Variants in SLC24A4 observed in about 807,000 individuals in gnomAD.
SLC24A4 encodes solute carrier family 24 member 4, also known as sodium/potassium/calcium exchanger 4.
Under a neutral mutation model 79.0 loss-of-function variants are expected in SLC24A4, and 53 were observed. The observed-to-expected ratio is 0.67, with a 90% CI of 0.54 to 0.84. SLC24A4 has a LOEUF of 0.84. Among genes scored for constraint, SLC24A4 ranks in the 40% least tolerant of loss-of-function variants. The pLI is 0.00. For missense variants in SLC24A4, 731 were observed against 822.0 expected (o/e 0.89, Z 1.35); for synonymous variants, 323 against 323.8 (o/e 1.00, Z 0.03).
rs149125782 is a variant in SLC24A4 at position 92,410,825 on chromosome 14, G to A, written c.242-23087G>A. On this transcript the variant is annotated intron_variant, in intron 2 of 16. Transcript: ENST00000532405. ...CTCTGCGGTCTCTGGATGAAGGTGT[G>A]GAGTGCCTCTCATCTGGATGTGGTG... Among the ~76,000 whole-genome samples the A allele has an allele frequency of 3.3e-5, 5 of 152,292 alleles. No individual in the cohort carries two copies. In the East Asian group the frequency reaches 9.7e-4, roughly 29 times the overall value.
intron 2 of SLC24A4, among the ~76,000 whole-genome samples, chr14:92,374,683 C>T (rs972243316): frequency 3.9e-5 from 6 of 152,158 alleles, no homozygotes; most frequent in Non-Finnish European, 8.8e-5. Flanking sequence ...CATTGGAGAT[C>T]GGAGTCTGAA....
At chr14:92,439,618 G>GA (rs1022576169) in intron 4 of SLC24A4, among the ~76,000 whole-genome samples, 5 of 152,208 alleles carry the variant, frequency 3.3e-5, no homozygotes, top group African/African-American at 1.2e-4. Flanking sequence ...GAACTTGGCA[G>GA]AAAAAAACAC....
intron 2 of SLC24A4, among the ~76,000 whole-genome samples, chr14:92,341,646 C>T (rs924416656): frequency 1.1e-4 from 16 of 152,196 alleles, no homozygotes; most frequent in South Asian, 2.1e-4. Context: ...GAACCGTCGA[C>T]GGGCAGCTTG....
At chr14:92,346,052 G>C (rs77773897) in intron 2 of SLC24A4, among the ~76,000 whole-genome samples, 5,435 of 152,228 alleles carry the variant, frequency 0.036, 134 homozygotes, top group Non-Finnish European at 0.054. Context: ...TAAGGGAAAG[G>C]GGATGTGGAA....
chr14:92,384,162 GA>G (rs1417253024), intron 2 of SLC24A4, among the ~76,000 whole-genome samples: 1 of 152,178 alleles, frequency 6.6e-6, no homozygotes, highest in East Asian at 1.9e-4. Flanking sequence ...CAGCTCCTCA[GA>G]AGAGCGTGGC....
intron 2 of SLC24A4, among the ~76,000 whole-genome samples, chr14:92,333,037 T>G (rs1031736543): frequency 2.0e-5 from 3 of 152,244 alleles, no homozygotes; most frequent in Non-Finnish European, 4.4e-5. Flanking sequence ...TTTGCCTGCA[T>G]AACTGGGATA....
chr14:92,484,134 C>A, intron 13 of SLC24A4: 22 of 985,392 alleles, frequency 2.2e-5, no homozygotes, highest in Non-Finnish European at 2.7e-5. Flanking sequence ...AGGCACTTGG[C>A]CAATCCTGTC....
rs1889562310 is a variant in SLC24A4, at chr14:92,392,960, A to G, written c.242-40952A>G. Reference sequence around the variant, plus strand: ...TGTGTGAGGTCACATGGGAGGCACCATCTATGAGGGACACCTGTTCCACTG... The same window carrying G: ...TGTGTGAGGTCACATGGGAGGCACCGTCTATGAGGGACACCTGTTCCACTG... On this transcript the variant is annotated intron_variant, in intron 2 of 16. Coordinates refer to ENST00000532405, the MANE Select transcript of SLC24A4 (RefSeq NM_153646.4). 3.9e-5 allele frequency among the ~76,000 whole-genome samples: 6 copies of G among 152,046 alleles called. No individual in the cohort carries two copies. The South Asian group carries it at 1.2e-3, about 31-fold the overall frequency.
chr14:92,373,356 T>G (rs1888315283), intron 2 of SLC24A4, among the ~76,000 whole-genome samples: 1 of 152,078 alleles, frequency 6.6e-6, no homozygotes, highest in South Asian at 2.1e-4. Flanking sequence ...CTGCTGTCAT[T>G]TCTAAGAAAA....
intron 2 of SLC24A4, among the ~76,000 whole-genome samples, chr14:92,351,733 G>A (rs913545608): frequency 2.6e-5 from 4 of 152,032 alleles, no homozygotes; most frequent in East Asian, 1.9e-4. Flanking sequence ...GTGTGATGGC[G>A]CCCACCTGTA....
rs143296730 is a variant in SLC24A4 at position 92,463,025 on chromosome 14, G to A, written c.1255+6417G>A. On this transcript the variant is annotated intron_variant, in intron 12 of 16. Coordinates refer to ENST00000532405, the MANE Select transcript of SLC24A4 (RefSeq NM_153646.4). ...GCAGGGTGCTAAATAATTTGTGTGT[G>A]TGTTGAGTAAACTGTGTTGAATTGG... 5.3e-5 allele frequency among the ~76,000 whole-genome samples: 8 copies of A among 152,312 alleles called. No individual in the cohort carries two copies. The East Asian group carries it at 1.5e-3, about 29-fold the overall frequency.
Position 92,400,251 on chromosome 14 carries a change from C to T in SLC24A4, c.242-33661C>T, listed in dbSNP as rs371432363. Among the ~76,000 whole-genome samples the T allele has an allele frequency of 2.7e-3, 404 of 152,066 alleles. 1 individual carries two copies. Among genetic ancestry groups the T allele is most frequent in the Non-Finnish European group, 3.9e-3 (265 of 67,948 alleles). The stretch of plus-strand genomic sequence containing the variant: ...GTCAGGAGATCGAGAACATCCAGGC[C>T]AACATGGTGAAACCCCGTCTCTACT... On this transcript the variant is annotated intron_variant, in intron 2 of 16. Transcript: ENST00000532405.
intron 2 of SLC24A4, among the ~76,000 whole-genome samples, chr14:92,361,215 A>G (rs970880227): frequency 6.6e-6 from 1 of 151,596 alleles, no homozygotes; most frequent in Non-Finnish European, 1.5e-5. Flanking sequence ...TATGTAACAG[A>G]ACTTTTTTTT....
At position 92,353,086 on chromosome 14, in the gene SLC24A4, G is replaced by A. The variant is rs1406603744; in HGVS notation, c.241+27108G>A. 6.6e-6 allele frequency among the ~76,000 whole-genome samples: 1 copy of A among 152,150 alleles called. No individual in the cohort carries two copies. Among genetic ancestry groups the A allele is most frequent in the Admixed American group, 6.5e-5 (1 of 15,268 alleles). ...AATAAAACCTCTGTCTCCTATCTCTGTCCCACAGCTGCCCAAACCCCCTCC... is the reference window on the plus strand; with the variant it reads ...AATAAAACCTCTGTCTCCTATCTCTATCCCACAGCTGCCCAAACCCCCTCC... On this transcript the variant is annotated intron_variant, in intron 2 of 16. Transcript: ENST00000532405. The surrounding 1 kb of genome is among the most constrained non-coding windows in gnomAD (Gnocchi z 4.1).
At position 92,389,005 on chromosome 14, in the gene SLC24A4, A is replaced by G. The variant is rs932459095; in HGVS notation, c.242-44907A>G. Among the ~76,000 whole-genome samples, 8 of 152,320 alleles carry G rather than the reference A, an allele frequency of 5.3e-5. No individual in the cohort carries two copies. In the East Asian group the frequency reaches 9.6e-4, roughly 18 times the overall value. On this transcript the variant is annotated intron_variant, in intron 2 of 16. Transcript: ENST00000532405. ...TCACTTTGGGTATGTGCACTAGACC[A>G]CTTAAGGCAGAACTAATATGACAAC...
chr14:92,334,299 C>T (rs907936845), intron 2 of SLC24A4, among the ~76,000 whole-genome samples: 2 of 152,204 alleles, frequency 1.3e-5, no homozygotes, highest in Non-Finnish European at 2.9e-5. Flanking sequence ...CTCCGGAGGG[C>T]CAGGCAGCTT....
chr14:92,487,526 ATTGGTTGG>A lies in SLC24A4; in HGVS notation c.1537+749_1537+756del, dbSNP rs562610390. ...GTTATTCCTCCAAGATAAAGGGTTG[ATTGGTTGG>A]TTAGTGAGTTGAGCCTGAGAAACCA... On this transcript the variant is annotated intron_variant, in intron 14 of 16. Coordinates refer to ENST00000532405, the MANE Select transcript of SLC24A4 (RefSeq NM_153646.4). Among the ~76,000 whole-genome samples the A allele has an allele frequency of 1.2e-3, 188 of 152,198 alleles. 1 individual carries two copies. Among genetic ancestry groups the A allele is most frequent in the African/African-American group, 4.3e-3 (177 of 41,508 alleles).
chr14:92,421,154 G>A (rs1478260492), intron 2 of SLC24A4, among the ~76,000 whole-genome samples: 1 of 152,148 alleles, frequency 6.6e-6, no homozygotes, highest in African/African-American at 2.4e-5. Context: ...TCCTTGCCAT[G>A]AACAGTACAA....
chr14:92,367,151 G>T (rs934840639), intron 2 of SLC24A4, among the ~76,000 whole-genome samples: 2 of 152,190 alleles, frequency 1.3e-5, no homozygotes, highest in Non-Finnish European at 2.9e-5. Flanking sequence ...TGCCTTGCCC[G>T]TTCAGAGGCT....
Sources: gnomAD v4.1 joint callset for allele counts (sites outside exome capture counted in the v4.1 genomes callset) on GRCh38, gnomAD v4.1.1 for gene constraint, Gnocchi (gnomAD v3.1) non-coding constraint, MANE v1.5 for transcripts, NCBI Gene and HGNC (gene_info 2026-07-23, HGNC 2026-07-21) for gene names.